HPD: variants seen among roughly 807,000 people sequenced by gnomAD.
HPD encodes 4-hydroxyphenylpyruvic acid oxidase.
HPD carries 35 observed loss-of-function variants against 56.9 expected under a neutral mutation model. The ratio of observed to expected loss-of-function variants is 0.62; its 90% CI spans 0.47 to 0.82. The LOEUF is 0.82. HPD is among the 40% of genes least tolerant of loss of function. The probability of loss-of-function intolerance (pLI) is 0.00; values close to 1 mark genes in which losing one functional copy is unlikely to be tolerated. For synonymous variants in HPD, 186 were observed against 200.2 expected (o/e 0.93, Z 0.60); for missense variants, 442 against 506.8 (o/e 0.87, Z 1.23).
At chr12:121,877,899 A>T in the HPD span, among the ~76,000 whole-genome samples, 1 of 152,082 alleles carries the variant, frequency 6.6e-6, no homozygotes, top group South Asian at 2.1e-4. Flanking sequence ...TAGCAATGTG[A>T]ATTTTTATGT....
chr12:121,843,429 C>G (rs942367893), intron 12 of HPD, among the ~76,000 whole-genome samples: 2 of 152,250 alleles, frequency 1.3e-5, no homozygotes, highest in Non-Finnish European at 2.9e-5. Context: ...CTAGACTTCA[C>G]TCAGATGTCA....
rs1367921324 is a variant in HPD at position 121,858,836 on chromosome 12, T to G, written c.-13A>C. ...TGGCACTTACCATGATTGATCTTAGTCAAACCTCCTACTGGGACTAGAGGC... is the reference window on the plus strand; with the variant it reads ...TGGCACTTACCATGATTGATCTTAGGCAAACCTCCTACTGGGACTAGAGGC... On this transcript the variant is annotated 5_prime_UTR_variant, in exon 1 of 14. Transcript: ENST00000289004. The G allele has an allele frequency of 6.2e-7, 1 of 1,614,028 alleles. No individual in the cohort carries two copies. The highest frequency in any genetic ancestry group is 2.2e-5 in the East Asian group (1 of 44,890).
chr12:121,864,508 G>T (rs1459886219), upstream of HPD, among the ~76,000 whole-genome samples: 1 of 146,994 alleles, frequency 6.8e-6, no homozygotes, highest in Non-Finnish European at 1.5e-5. Context: ...AGCTATGATT[G>T]TACCATTGTA....
At chr12:121,879,886 A>C in the HPD span, among the ~76,000 whole-genome samples, 1 of 152,124 alleles carries the variant, frequency 6.6e-6, no homozygotes, top group Non-Finnish European at 1.5e-5. Context: ...GCAGTGGCTC[A>C]TGCCTGTAAT....
At chr12:121,870,317 G>A in the HPD span, among the ~76,000 whole-genome samples, 1 of 151,976 alleles carries the variant, frequency 6.6e-6, no homozygotes, top group Non-Finnish European at 1.5e-5. Flanking sequence ...TTAAGTAGGT[G>A]CTCTCATATC....
At chr12:121,857,544 C>A (rs1267807831) in intron 3 of HPD, 112 bp from the exon 4 acceptor site, 14 of 909,934 alleles carry the variant, frequency 1.5e-5, no homozygotes, top group Non-Finnish European at 2.5e-5. Flanking sequence ...GCCTCAGGGG[C>A]AGAGACCCTC....
At chr12:121,869,971 T>A in the HPD span, among the ~76,000 whole-genome samples, 1 of 151,998 alleles carries the variant, frequency 6.6e-6, no homozygotes, top group Non-Finnish European at 1.5e-5. Context: ...AGAGATGGGG[T>A]CTTCCTGTGT....
chr12:121,841,871 G>T (rs1467173204), intron 12 of HPD, among the ~76,000 whole-genome samples: 1 of 151,958 alleles, frequency 6.6e-6, no homozygotes, highest in East Asian at 1.9e-4. Context: ...TTTTAGTAGA[G>T]ACAGGGTTTC....
upstream of HPD, among the ~76,000 whole-genome samples, chr12:121,867,268 C>T (rs989096610): frequency 6.6e-6 from 1 of 151,234 alleles, no homozygotes; most frequent in African/African-American, 2.4e-5. Flanking sequence ...ATGAGAATCG[C>T]TGGAACCCAG....
the HPD span, among the ~76,000 whole-genome samples, chr12:121,871,917 T>C: frequency 1.3e-5 from 2 of 151,696 alleles, no homozygotes; most frequent in Non-Finnish European, 1.5e-5. Context: ...AGATTTCTTT[T>C]CTCTCTTTTT....
intron 7 of HPD, among the ~76,000 whole-genome samples, chr12:121,852,051 ACT>A (rs1260389476): frequency 6.6e-6 from 1 of 150,600 alleles, no homozygotes; most frequent in African/African-American, 2.4e-5. Context: ...ACAGAGTCTC[ACT>A]CTGTCAACCA....
At chr12:121,886,306 C>T in the HPD span, among the ~76,000 whole-genome samples, 5 of 151,324 alleles carry the variant, frequency 3.3e-5, no homozygotes, top group African/African-American at 1.2e-4. Context: ...GATGGAGTTT[C>T]ACCGTGTTAG....
chr12:121,866,758 G>A (rs1200381293), upstream of HPD, among the ~76,000 whole-genome samples: 1 of 151,996 alleles, frequency 6.6e-6, no homozygotes, highest in Non-Finnish European at 1.5e-5. Context: ...TACACAGAGT[G>A]AAATTCATAG....
chr12:121,871,270 C>T, the HPD span, among the ~76,000 whole-genome samples: 5 of 151,834 alleles, frequency 3.3e-5, no homozygotes, highest in African/African-American at 4.8e-5. Context: ...GAGGCTGAGA[C>T]GGGTGAATCG....
At chr12:121,857,518 G>T in intron 3 of HPD, 86 bp from the exon 4 acceptor site, 1 of 1,081,502 alleles carries the variant, frequency 9.2e-7, no homozygotes. Context: ...GCCCCCCTCA[G>T]CCTGCCTGCC....
intron 7 of HPD, among the ~76,000 whole-genome samples, chr12:121,850,316 A>G (rs1017390702): frequency 3.3e-5 from 5 of 151,520 alleles, no homozygotes; most frequent in Non-Finnish European, 5.9e-5. Context: ...AGTCCCAGCT[A>G]CTTGGGAGGC....
In HPD at chr12:121,839,928, G is replaced by C. The variant is rs1314820700; in HGVS notation, c.1071+4C>G. 38 of 1,612,294 alleles carry C rather than the reference G, an allele frequency of 2.4e-5. No homozygotes were observed. Among genetic ancestry groups the C allele is most frequent in the Non-Finnish European group, 3.2e-5 (38 of 1,178,264 alleles). On this transcript the variant is annotated splice_donor_region_variant and intron_variant, in intron 13 of 13. Transcript: ENST00000289004. ...CCCTCGGGCCTGCCGGGGACAAGCAGTACCTGGTGGTTGTGGCGCTGGATG... is the reference window on the plus strand; with the variant it reads ...CCCTCGGGCCTGCCGGGGACAAGCACTACCTGGTGGTTGTGGCGCTGGATG...
chr12:121,856,632 T>C lies in HPD; in HGVS notation c.199-7A>G. 6.2e-7 allele frequency: 1 copy of C among 1,613,800 alleles called. No individual in the cohort carries two copies. The highest frequency in any genetic ancestry group is 1.3e-5 in the African/African-American group (1 of 74,952). ...AGGAGAGGACAAACACAATCTAAGA[T>C]AGGAGGAGAAGGAGGTGAGGCTAGT... On this transcript the variant is annotated splice_polypyrimidine_tract_variant and splice_region_variant and intron_variant, in intron 4 of 13. Coordinates refer to ENST00000289004, the MANE Select transcript of HPD (RefSeq NM_002150.3).
chr12:121,843,704 C>T lies in HPD; in HGVS notation c.954+6G>A. On this transcript the variant is annotated splice_donor_region_variant and intron_variant, in intron 12 of 13. Coordinates refer to ENST00000289004, the MANE Select transcript of HPD (RefSeq NM_002150.3). ...CACAAGGCTGCGGATCCTGCCTGGG[C>T]CTCACCTCCAGGGCATCAATGTTCT... 1.2e-6 allele frequency: 2 copies of T among 1,613,982 alleles called. No individual in the cohort carries two copies. The highest frequency in any genetic ancestry group is 1.7e-6 in the Non-Finnish European group (2 of 1,179,962).
Sources: gnomAD v4.1 joint callset for allele counts (sites outside exome capture counted in the v4.1 genomes callset) on GRCh38, gnomAD v4.1.1 for gene constraint, MANE v1.5 for transcripts, NCBI Gene and HGNC (gene_info 2026-07-23, HGNC 2026-07-21) for gene names.